Variants in LRRC37A2 observed in about 807,000 individuals in gnomAD.
LRRC37A2 encodes the protein leucine-rich repeat-containing protein 37A2.
LRRC37A2 carries 9 observed loss-of-function variants against 68.8 expected under a neutral mutation model. The ratio of observed to expected loss-of-function variants is 0.13; its 90% confidence interval spans 0.08 to 0.23. The LOEUF (loss-of-function observed/expected upper bound fraction) is 0.23. Among genes scored for constraint, LRRC37A2 ranks in the 10% least tolerant of loss-of-function variants. LRRC37A2 has a pLI of 1.00. For synonymous variants in LRRC37A2, 63 were observed against 367.6 expected, an observed-to-expected ratio of 0.17 and a Z score of 9.48; for missense variants, 168 against 950.4, an observed-to-expected ratio of 0.18 and a Z score of 10.82.
the LRRC37A2 span, among the ~76,000 whole-genome samples, chr17:46,976,222 G>A: frequency 6.7e-6 from 1 of 149,682 alleles, no homozygotes; most frequent in African/African-American, 2.5e-5. Context: ...CACCACGCCT[G>A]GCGATAAAAG....
At chr17:47,034,062 C>G in the LRRC37A2 span, among the ~76,000 whole-genome samples, 746 of 152,304 alleles carry the variant, frequency 4.9e-3, 9 homozygotes, top group African/African-American at 0.017. Context: ...AGGCTGGGCA[C>G]ACTGGCTCAT....
chr17:46,930,860 C>T, the LRRC37A2 span: 1 of 463,442 alleles, frequency 2.2e-6, no homozygotes, highest in Non-Finnish European at 3.9e-6. Flanking sequence ...TTACCTTCAG[C>T]TTTTTTAAAA....
At chr17:46,844,202 C>T in the LRRC37A2 span, among the ~76,000 whole-genome samples, 1 of 152,064 alleles carries the variant, frequency 6.6e-6, no homozygotes, top group Non-Finnish European at 1.5e-5. Flanking sequence ...AGCAATCCTC[C>T]TGCCTCAGTC....
the LRRC37A2 span, chr17:47,019,326 C>A: frequency 2.5e-6 from 4 of 1,609,248 alleles, no homozygotes; most frequent in Admixed American, 6.7e-5. Flanking sequence ...TCAGCATTCA[C>A]ACCTGACTCA....
At chr17:46,885,001 T>A in the LRRC37A2 span, 1 of 439,258 alleles carries the variant, frequency 2.3e-6, no homozygotes, top group Non-Finnish European at 4.5e-6. Context: ...CTTAGCTTTT[T>A]TTTTTAGACG....
the LRRC37A2 span, among the ~76,000 whole-genome samples, chr17:46,392,419 C>CTTTCTT: frequency 2.9e-4 from 16 of 55,844 alleles, no homozygotes; most frequent in African/African-American, 9.0e-4. Context: ...TTCTCTCTCT[C>CTTTCTT]TCTTTCTTTC....
the LRRC37A2 span, among the ~76,000 whole-genome samples, chr17:46,735,600 G>A: frequency 6.6e-6 from 1 of 152,046 alleles, no homozygotes; most frequent in African/African-American, 2.4e-5. Flanking sequence ...TACCTACTCT[G>A]TTGAGGGTCA....
chr17:46,940,932 T>A, the LRRC37A2 span: 44 of 1,294,274 alleles, frequency 3.4e-5, no homozygotes, highest in Non-Finnish European at 4.4e-5. Flanking sequence ...AAAATAGACC[T>A]TGGCCTAACA....
the LRRC37A2 span, chr17:46,769,853 G>A: frequency 3.1e-5 from 50 of 1,613,466 alleles, no homozygotes; most frequent in African/African-American, 5.7e-4. Flanking sequence ...GCGCGCATCC[G>A]CGAACTCCCT....
At chr17:46,708,491 C>CTTTTT in the LRRC37A2 span, among the ~76,000 whole-genome samples, 7 of 124,858 alleles carry the variant, frequency 5.6e-5, no homozygotes, top group Non-Finnish European at 8.1e-5. Context: ...GTTACATATC[C>CTTTTT]TTTTTTTTTT....
chr17:46,742,096 T>G, the LRRC37A2 span, among the ~76,000 whole-genome samples: 1 of 152,240 alleles, frequency 6.6e-6, no homozygotes, highest in African/African-American at 2.4e-5. Context: ...TGACAGCTAA[T>G]GAATCTTATC....
chr17:46,782,297 G>A, the LRRC37A2 span, among the ~76,000 whole-genome samples: 9 of 152,184 alleles, frequency 5.9e-5, no homozygotes, highest in African/African-American at 1.4e-4. Flanking sequence ...AGGGAGAGGA[G>A]GAGGGAAGGT....
chr17:46,838,969 C>A, the LRRC37A2 span, among the ~76,000 whole-genome samples: 1 of 152,182 alleles, frequency 6.6e-6, no homozygotes, highest in East Asian at 1.9e-4. Context: ...CCTCTTCCTC[C>A]CGGGTTCAAG....
chr17:46,918,069 A>C, the LRRC37A2 span, among the ~76,000 whole-genome samples: 3 of 151,990 alleles, frequency 2.0e-5, no homozygotes, highest in African/African-American at 7.3e-5. Context: ...GAATTTTATA[A>C]CACAGTTTTG....
the LRRC37A2 span, among the ~76,000 whole-genome samples, chr17:46,905,904 G>A: frequency 2.0e-5 from 3 of 152,074 alleles, no homozygotes; most frequent in Non-Finnish European, 2.9e-5. Context: ...ACCTGCCCCA[G>A]TGTGAAGGAA....
chr17:46,979,136 G>T, the LRRC37A2 span: 3 of 1,036,672 alleles, frequency 2.9e-6, no homozygotes, highest in African/African-American at 5.1e-5. Flanking sequence ...GGACGAAGGC[G>T]GGAGGCTGGC....
chr17:46,782,621 C>G, the LRRC37A2 span, among the ~76,000 whole-genome samples: 1 of 152,260 alleles, frequency 6.6e-6, no homozygotes, highest in African/African-American at 2.4e-5. Flanking sequence ...GATGTCAGGA[C>G]AGGAAGCCTA....
chr17:46,949,987 T>G, the LRRC37A2 span, among the ~76,000 whole-genome samples: 1 of 152,220 alleles, frequency 6.6e-6, no homozygotes, highest in Non-Finnish European at 1.5e-5. Flanking sequence ...CAGTAGGCAC[T>G]TCATAAATAT....
chr17:46,887,949 C>T, the LRRC37A2 span, among the ~76,000 whole-genome samples: 1 of 152,136 alleles, frequency 6.6e-6, no homozygotes, highest in Non-Finnish European at 1.5e-5. Flanking sequence ...TGTGATGAAA[C>T]TGACAACCCT....
Sources: allele counts gnomAD v4.1 joint callset (sites outside exome capture counted in the v4.1 genomes callset), GRCh38; gene constraint gnomAD v4.1.1; transcripts MANE v1.5; gene names NCBI Gene and HGNC (gene_info 2026-07-23, HGNC 2026-07-21).